Variants in FBXO22 observed in about 807,000 individuals in gnomAD.
FBXO22 encodes F-box only protein 22.
Under a neutral mutation model 37.2 loss-of-function variants are expected in FBXO22, and 13 were observed. The ratio of observed to expected loss-of-function variants is 0.35; its 90% CI spans 0.23 to 0.56. FBXO22 has a LOEUF of 0.56. FBXO22 is among the 20% of genes least tolerant of loss of function. FBXO22 has a pLI of 0.87. For missense variants in FBXO22, 446 were observed against 509.9 expected (o/e 0.87, Z 1.21); for synonymous variants, 189 against 189.1 (o/e 1.00, Z 0.00).
intron 6 of FBXO22, chr15:75,930,884 A>G (rs1433855372): frequency 1.0e-5 from 10 of 970,844 alleles, no homozygotes; most frequent in Non-Finnish European, 1.2e-5. Context: ...CTATAAGAAT[A>G]ATGTAAGTCA....
Position 75,914,042 on chromosome 15 carries a change from T to A in FBXO22, c.368-68T>A, listed in dbSNP as rs1900128375. 3.4e-6 allele frequency: 4 copies of A among 1,180,522 alleles called. No homozygotes were observed. In the Admixed American group the frequency reaches 8.0e-5, roughly 23 times the overall value. The allele number at this position is 1,180,522 out of a possible 1,614,324, so 73.1% of individuals were successfully genotyped here. On this transcript the variant is annotated intron_variant, in intron 3 of 6. Coordinates refer to ENST00000308275, the MANE Select transcript of FBXO22 (RefSeq NM_147188.3). ...TAAATATTTCCAGTATTTGCTTTTT[T>A]ACTTTTTCATTCTCAGATTTGACTT...
At chr15:75,932,385 G>GGTAAGGAAACT (rs1244806975) in intron 6 of FBXO22, among the ~76,000 whole-genome samples, 2 of 152,128 alleles carry the variant, frequency 1.3e-5, no homozygotes, top group African/African-American at 4.8e-5. Context: ...AAGTCAGAAA[G>GGTAAGGAAACT]GTAAGGAAAC....
chr15:75,913,716 A>G (rs918872721), intron 3 of FBXO22, among the ~76,000 whole-genome samples: 3 of 152,210 alleles, frequency 2.0e-5, no homozygotes, highest in Non-Finnish European at 4.4e-5. Flanking sequence ...TCAGGTCCCA[A>G]GTTAGACTTA....
rs2030142039 is a variant in FBXO22, at chr15:75,933,534, T to C, written c.*432T>C. The C allele has an allele frequency of 5.7e-6, 1 of 176,080 alleles. No homozygotes were observed. The highest frequency in any genetic ancestry group is 6.3e-5 in the Admixed American group (1 of 15,922). 10.9% of individuals were successfully genotyped at this position (176,080 alleles called of 1,614,324 possible). A position where few individuals can be genotyped will look rare whatever the true frequency, so the allele number is the denominator to read the frequency against. ...TTTCTCCCTTAATAAAGGAGAAAAA[T>C]ATACTGATGGCTGGAGAAATTTTTC... On this transcript the variant is annotated 3_prime_UTR_variant, in exon 7 of 7. Coordinates refer to ENST00000308275, the MANE Select transcript of FBXO22 (RefSeq NM_147188.3).
chr15:75,932,314 A>G (rs566475079), intron 6 of FBXO22, among the ~76,000 whole-genome samples: 3 of 152,248 alleles, frequency 2.0e-5, no homozygotes, highest in Admixed American at 2.0e-4. Context: ...ACAATAGCAG[A>G]AGGCTTCGTT....
rs566243164 is a variant in FBXO22, at chr15:75,904,005, C to T, written c.42C>T (p.Ser14=). 17 of 1,580,778 alleles carry T rather than the reference C, an allele frequency of 1.1e-5. No individual in the cohort carries two copies. Among genetic ancestry groups the T allele is most frequent in the Non-Finnish European group, 1.5e-5 (17 of 1,163,258 alleles). The stretch of plus-strand genomic sequence containing the variant: ...GCTGCGGCGAGTGCCGCGGCTCCTC[C>T]GTAGACCCGCGGAGCACCTTCGTGT... The part of the protein sequence containing the change: ...VGCCGECRGS[S]VDPRSTFVLS... The change falls in exon 1 of 7, where the codon TCC becomes TCT. Residue 14 remains serine, a synonymous_variant. Transcript: ENST00000308275.
intron 5 of FBXO22, among the ~76,000 whole-genome samples, chr15:75,922,249 C>T (rs903624031): frequency 6.6e-6 from 1 of 152,238 alleles, no homozygotes; most frequent in Non-Finnish European, 1.5e-5. Context: ...AATCTTCTGG[C>T]ACCACTGTTG....
intron 2 of FBXO22, among the ~76,000 whole-genome samples, chr15:75,910,051 A>G (rs189354847): frequency 2.2e-4 from 34 of 152,296 alleles, no homozygotes; most frequent in African/African-American, 7.2e-4. Flanking sequence ...TTTGCTGAAA[A>G]TGATGGTTTC....
intron 5 of FBXO22, among the ~76,000 whole-genome samples, chr15:75,929,309 CA>C (rs11378024): frequency 1.4e-5 from 2 of 146,928 alleles, no homozygotes; most frequent in African/African-American, 2.5e-5. Flanking sequence ...CCATCTCTAC[CA>C]AAAAAAAAAA....
intron 6 of FBXO22, among the ~76,000 whole-genome samples, chr15:75,931,637 T>A (rs1160336377): frequency 6.6e-6 from 1 of 152,242 alleles, no homozygotes; most frequent in East Asian, 1.9e-4. Context: ...CTTGCCCATT[T>A]TATAGATTCA....
At chr15:75,932,458 T>C (rs1317542530) in intron 6 of FBXO22, among the ~76,000 whole-genome samples, 1 of 152,208 alleles carries the variant, frequency 6.6e-6, no homozygotes, top group Non-Finnish European at 1.5e-5. Context: ...TGCCCCTTTG[T>C]ATTTGTGACT....
chr15:75,933,230 C>T lies in FBXO22; in HGVS notation c.*128C>T, dbSNP rs375164156. ...ATCTTTTTTGTAGCTTTGATTGATGCTCTAAGATCACATGAGGGTAGTATT... is the reference window on the plus strand; with the variant it reads ...ATCTTTTTTGTAGCTTTGATTGATGTTCTAAGATCACATGAGGGTAGTATT... On this transcript the variant is annotated 3_prime_UTR_variant, in exon 7 of 7. Coordinates refer to ENST00000308275, the MANE Select transcript of FBXO22 (RefSeq NM_147188.3). 29 of 753,438 alleles carry T rather than the reference C, an allele frequency of 3.8e-5. No individual in the cohort carries two copies. The highest frequency in any genetic ancestry group is 6.1e-5 in the Non-Finnish European group (29 of 473,786). The allele number at this position is 753,438 out of a possible 1,614,324, so 46.7% of individuals were successfully genotyped here. A position where few individuals can be genotyped will look rare whatever the true frequency, so the allele number is the denominator to read the frequency against.
chr15:75,915,491 C>T (rs1163985123), intron 4 of FBXO22, among the ~76,000 whole-genome samples: 2 of 151,968 alleles, frequency 1.3e-5, no homozygotes, highest in African/African-American at 2.4e-5. Flanking sequence ...TTTGGCCTGG[C>T]GTGGTGGCTG....
intron 3 of FBXO22, among the ~76,000 whole-genome samples, chr15:75,913,782 G>A (rs1219962777): frequency 6.6e-6 from 1 of 151,624 alleles, no homozygotes; most frequent in Admixed American, 6.6e-5. Flanking sequence ...GCAAATAGTA[G>A]TTATACTGCA....
At chr15:75,911,178 AG>A (rs1359041888) in intron 2 of FBXO22, among the ~76,000 whole-genome samples, 1 of 152,136 alleles carries the variant, frequency 6.6e-6, no homozygotes, top group Admixed American at 6.5e-5. Context: ...CTTGTAGTAT[AG>A]TTTGAAGTCA....
chr15:75,924,539 G>A (rs1000223241), intron 5 of FBXO22, among the ~76,000 whole-genome samples: 3 of 152,124 alleles, frequency 2.0e-5, no homozygotes, highest in Non-Finnish European at 2.9e-5. Context: ...GGAACGCTTT[G>A]CCCACCAAAG....
At chr15:75,908,277 GTTT>G (rs1416474003) in intron 2 of FBXO22, among the ~76,000 whole-genome samples, 2 of 141,826 alleles carry the variant, frequency 1.4e-5, no homozygotes, top group Admixed American at 7.1e-5. Flanking sequence ...GTTTTGTTTG[GTTT>G]TTTTTTTTTT....
At position 75,913,102 on chromosome 15, in the gene FBXO22, T is replaced by C. The variant is rs565187549; in HGVS notation, c.280-101T>C. 267 of 692,614 alleles carry C rather than the reference T, an allele frequency of 3.9e-4. 2 individuals carry two copies. The South Asian group carries it at 3.9e-3, about 10-fold the overall frequency. 42.9% of individuals were successfully genotyped at this position (692,614 alleles called of 1,614,324 possible). A position where few individuals can be genotyped will look rare whatever the true frequency, so the allele number is the denominator to read the frequency against. On this transcript the variant is annotated intron_variant, in intron 2 of 6. Coordinates refer to ENST00000308275, the MANE Select transcript of FBXO22 (RefSeq NM_147188.3). ...GAGTGAGTTTCTTAATCCTGAGTTC[T>C]AATTTGATTGCACTATGGACTGGGT... is the stretch of plus-strand genomic sequence containing the variant.
chr15:75,923,524 T>A (rs1052810781), intron 5 of FBXO22, among the ~76,000 whole-genome samples: 2 of 152,180 alleles, frequency 1.3e-5, no homozygotes, highest in African/African-American at 4.8e-5. Context: ...TGGATTCAGC[T>A]AACCACAGAT....
Sources: gnomAD v4.1 joint callset for allele counts (sites outside exome capture counted in the v4.1 genomes callset) on GRCh38, gnomAD v4.1.1 for gene constraint, MANE v1.5 for transcripts, NCBI Gene and HGNC (gene_info 2026-07-23, HGNC 2026-07-21) for gene names.